The following LEF1 variants were observed in gnomAD, a reference collection of about 807,000 sequenced individuals.
LEF1 encodes lymphoid enhancer-binding factor 1.
In LEF1, 14 loss-of-function variants were observed where a neutral mutation model predicts 51.2. The ratio of observed to expected loss-of-function variants is 0.27; its 90% CI spans 0.18 to 0.43. The LOEUF (loss-of-function observed/expected upper bound fraction) is 0.43, where lower values mean the gene tolerates loss of function less well. Ranked by LOEUF, LEF1 falls within the 20% of genes least tolerant of loss-of-function variation. The pLI, the probability that LEF1 is intolerant of heterozygous loss-of-function variation, is 1.00. For synonymous variants in LEF1, 185 were observed against 183.2 expected (o/e 1.01, Z -0.08); for missense variants, 386 against 512.0 (o/e 0.75, Z 2.37).
intron 3 of LEF1, among the ~76,000 whole-genome samples, chr4:108,139,727 C>T (rs1367682891): frequency 5.3e-5 from 8 of 152,178 alleles, no homozygotes; most frequent in Non-Finnish European, 1.5e-5. Flanking sequence ...ATCTCACAAA[C>T]ATTTACAGCT....
chr4:108,056,758 T>C (rs1000471800), intron 11 of LEF1, among the ~76,000 whole-genome samples: 3 of 151,950 alleles, frequency 2.0e-5, no homozygotes, highest in African/African-American at 7.3e-5. Context: ...TATGGGAGCC[T>C]CTCCGGGCCA....
chr4:108,109,530 T>C (rs1741388214), intron 3 of LEF1, among the ~76,000 whole-genome samples: 1 of 152,272 alleles, frequency 6.6e-6, no homozygotes, highest in South Asian at 2.1e-4. Flanking sequence ...GAGTGACCCT[T>C]GAAGGACTGT....
At position 108,092,917 on chromosome 4, in the gene LEF1, TAAAAAAAAA is replaced by T. The variant is rs71592104; in HGVS notation, c.415-3669_415-3661del. 2.2e-4 allele frequency among the ~76,000 whole-genome samples: 7 copies of T among 31,142 alleles called. No individual in the cohort carries two copies. The South Asian group carries it at 5.4e-3, about 24-fold the overall frequency. 20.4% of individuals were successfully genotyped at this position (31,142 alleles called of 152,430 possible). ...GTGGGTATTGGAAACAATGAATATG[TAAAAAAAAA>T]AAAAAAAAAAAAAAAAAAAAAAAGA... On this transcript the variant is annotated intron_variant, in intron 3 of 11. Coordinates refer to ENST00000265165, the MANE Select transcript of LEF1 (RefSeq NM_016269.5).
chr4:108,149,181 C>T (rs920798969), intron 3 of LEF1, among the ~76,000 whole-genome samples: 4 of 152,070 alleles, frequency 2.6e-5, no homozygotes, highest in Non-Finnish European at 5.9e-5. Flanking sequence ...ATAGATTGGC[C>T]GGGCGCGGTG....
intron 3 of LEF1, among the ~76,000 whole-genome samples, chr4:108,152,614 T>G (rs1744426424): frequency 6.6e-6 from 1 of 152,238 alleles, no homozygotes; most frequent in Non-Finnish European, 1.5e-5. Context: ...TCATTTACAT[T>G]ATCTGAACCT....
intron 3 of LEF1, among the ~76,000 whole-genome samples, chr4:108,157,175 T>TACACACACACACACACAC (rs1425931310): frequency 1.7e-4 from 10 of 57,524 alleles, no homozygotes; most frequent in East Asian, 1.4e-3. Flanking sequence ...TCTCTATATA[T>TACACACACACACACACAC]ATATACACAC....
chr4:108,048,683 C>G lies in LEF1; in HGVS notation c.*75G>C. On this transcript the variant is annotated 3_prime_UTR_variant, in exon 12 of 12. Coordinates refer to ENST00000265165, the MANE Select transcript of LEF1 (RefSeq NM_016269.5). ...GACAGTCTGGGTTTTCAACAAGCTT[C>G]CATCTCCAGAAGAGGTCCTGGGGTC... 1 of 1,602,704 alleles carries G rather than the reference C, an allele frequency of 6.2e-7. No individual in the cohort carries two copies. The highest frequency in any genetic ancestry group is 8.5e-7 in the Non-Finnish European group (1 of 1,174,232).
chr4:108,106,690 T>TC (rs1367310617), intron 3 of LEF1, among the ~76,000 whole-genome samples: 3 of 152,148 alleles, frequency 2.0e-5, no homozygotes, highest in Non-Finnish European at 4.4e-5. Flanking sequence ...TTCCGAGCCA[T>TC]CCCATAGCTC....
intron 3 of LEF1, among the ~76,000 whole-genome samples, chr4:108,141,621 C>T (rs1427116691): frequency 6.6e-6 from 1 of 152,156 alleles, no homozygotes; most frequent in African/African-American, 2.4e-5. Flanking sequence ...GTCTCTCCAT[C>T]TAGGAGGAGG....
intron 4 of LEF1, among the ~76,000 whole-genome samples, chr4:108,086,829 T>TACACACACACACACACAC (rs139231288): frequency 0.065 from 9,668 of 149,288 alleles, 325 homozygotes; most frequent in Admixed American, 0.085. Flanking sequence ...CACACACACT[T>TACACACACACACACACAC]ACACACACAC....
chr4:108,092,936 A>AC (rs1378400133), intron 3 of LEF1, among the ~76,000 whole-genome samples: 1 of 148,920 alleles, frequency 6.7e-6, no homozygotes, highest in Non-Finnish European at 1.5e-5. Context: ...AAAAAAAAAA[A>AC]AAAAAAAAAA....
chr4:108,092,907 A>G (rs1436954395), intron 3 of LEF1, among the ~76,000 whole-genome samples: 1 of 140,518 alleles, frequency 7.1e-6, no homozygotes, highest in Admixed American at 7.3e-5. Context: ...TATTGGAAAC[A>G]ATGAATATGT....
intron 5 of LEF1, among the ~76,000 whole-genome samples, chr4:108,082,475 T>G (rs961261580): frequency 6.6e-6 from 1 of 152,142 alleles, no homozygotes; most frequent in African/African-American, 2.4e-5. Flanking sequence ...TGACCCTTCC[T>G]AGCTGAAGAA....
chr4:108,090,125 C>T (rs569799588), intron 3 of LEF1, among the ~76,000 whole-genome samples: 6 of 152,098 alleles, frequency 3.9e-5, no homozygotes, highest in African/African-American at 1.2e-4. Flanking sequence ...TACAGGCACC[C>T]GCCACCACAT....
chr4:108,133,694 A>C (rs998637531), intron 3 of LEF1, among the ~76,000 whole-genome samples: 2 of 152,204 alleles, frequency 1.3e-5, no homozygotes, highest in African/African-American at 4.8e-5. Flanking sequence ...TTAAATCAAT[A>C]AATGCGGGGT....
chr4:108,094,821 T>C (rs1560785607), intron 3 of LEF1, among the ~76,000 whole-genome samples: 1 of 152,222 alleles, frequency 6.6e-6, no homozygotes. Context: ...TGGCCTTGAT[T>C]GTTATGGTGG....
chr4:108,073,688 G>A (rs1211116389), intron 8 of LEF1, among the ~76,000 whole-genome samples: 1 of 151,938 alleles, frequency 6.6e-6, no homozygotes, highest in Non-Finnish European at 1.5e-5. Context: ...AAACAACGAG[G>A]TATTTTTCAG....
At chr4:108,065,814 C>T (rs1028629712) in intron 9 of LEF1, among the ~76,000 whole-genome samples, 8 of 152,130 alleles carry the variant, frequency 5.3e-5, no homozygotes, top group Non-Finnish European at 8.8e-5. Context: ...ATACCTGATG[C>T]AGGTTGGTCA....
At chr4:108,102,480 A>G (rs559091230) in intron 3 of LEF1, among the ~76,000 whole-genome samples, 16 of 152,250 alleles carry the variant, frequency 1.1e-4, no homozygotes, top group African/African-American at 3.6e-4. Context: ...CCACTAAATT[A>G]ACCTTCACAG....
Sources: gnomAD v4.1 joint callset for allele counts (sites outside exome capture counted in the v4.1 genomes callset) on GRCh38, gnomAD v4.1.1 for gene constraint, MANE v1.5 for transcripts, NCBI Gene and HGNC (gene_info 2026-07-23, HGNC 2026-07-21) for gene names.